The following ZW10 variants were observed in gnomAD, a reference collection of about 807,000 sequenced individuals.
ZW10 encodes the protein zw10 kinetochore protein, also known as centromere/kinetochore protein zw10 homolog.
In ZW10, 53 loss-of-function variants were observed where a neutral mutation model predicts 87.8. That is an observed-to-expected ratio of 0.60 (90% CI 0.48 to 0.76). The LOEUF (loss-of-function observed/expected upper bound fraction) is 0.76. Among genes scored for constraint, ZW10 ranks in the 30% least tolerant of loss-of-function variants. ZW10 has a pLI of 0.00. For synonymous variants in ZW10, 312 were observed against 329.2 expected, an observed-to-expected ratio of 0.95 and a Z score of 0.57; for missense variants, 837 against 923.0, an observed-to-expected ratio of 0.91 and a Z score of 1.21.
intron 5 of ZW10, 91 bp downstream of exon 5, chr11:113,760,118 T>G: frequency 7.0e-7 from 1 of 1,427,054 alleles, no homozygotes; most frequent in Non-Finnish European, 9.5e-7. Flanking sequence ...GAATGAACCC[T>G]CATCTACTAA....
intron 2 of ZW10, among the ~76,000 whole-genome samples, chr11:113,762,551 C>T (rs1953873056): frequency 6.6e-6 from 1 of 151,152 alleles, no homozygotes; most frequent in African/African-American, 2.4e-5. Flanking sequence ...AGGAGTCTCA[C>T]TCTGTCACCC....
chr11:113,755,912 G>T (rs1194639472), intron 7 of ZW10, among the ~76,000 whole-genome samples: 1 of 152,086 alleles, frequency 6.6e-6, no homozygotes, highest in Non-Finnish European at 1.5e-5. Context: ...TTAAATTAAG[G>T]TATGTACACT....
rs78342244 is a variant in ZW10 at position 113,752,534 on chromosome 11, C to T, written c.926-4114G>A. 2.6e-3 allele frequency among the ~76,000 whole-genome samples: 393 copies of T among 152,326 alleles called. 2 individuals carry two copies. The highest frequency in any genetic ancestry group is 8.1e-3 in the African/African-American group (338 of 41,572). On this transcript the variant is annotated intron_variant, in intron 7 of 15. Coordinates refer to ENST00000200135, the MANE Select transcript of ZW10 (RefSeq NM_004724.4). ...GCACCATTTTGTCCAAGAGCATGTG[C>T]TCACTTCATATATCTGTGTCACATT...
intron 15 of ZW10, among the ~76,000 whole-genome samples, chr11:113,734,627 A>T (rs1479850047): frequency 6.6e-6 from 1 of 152,106 alleles, no homozygotes; most frequent in Non-Finnish European, 1.5e-5. Flanking sequence ...CAACATGGCA[A>T]AACCCCATCT....
At chr11:113,759,973 T>C (rs1051044348) in intron 5 of ZW10, among the ~76,000 whole-genome samples, 4 of 152,142 alleles carry the variant, frequency 2.6e-5, no homozygotes, top group Admixed American at 6.5e-5. Flanking sequence ...GCATCTTTTC[T>C]CACATTTCTA....
chr11:113,745,975 G>T (rs1397695090), intron 9 of ZW10, among the ~76,000 whole-genome samples: 2 of 150,704 alleles, frequency 1.3e-5, no homozygotes, highest in African/African-American at 4.9e-5. Context: ...CTCAATCAGG[G>T]AAAACTCTGT....
chr11:113,760,168 A>G, intron 5 of ZW10, 41 bp downstream of exon 5: 1 of 1,598,488 alleles, frequency 6.3e-7, no homozygotes, highest in Admixed American at 1.8e-5. Context: ...ACACTGGTTC[A>G]GGCAGATGAA....
intron 14 of ZW10, 119 bp from the exon 15 acceptor site, chr11:113,736,941 C>A: frequency 2.4e-6 from 2 of 850,380 alleles, no homozygotes; most frequent in Non-Finnish European, 3.8e-6. Context: ...TGTTTTCCAA[C>A]CAATTTGGAA....
chr11:113,766,398 C>T lies in ZW10; in HGVS notation c.240+2435G>A, dbSNP rs537706128. Among the ~76,000 whole-genome samples the T allele has an allele frequency of 1.7e-4, 26 of 152,014 alleles. No homozygotes were observed. In the South Asian group the frequency reaches 4.8e-3, roughly 28 times the overall value. Reference sequence around the variant, plus strand: ...AAAATAAGAATTTTTAGGCTGGGCGCGGTGGCTCACGCCTGTAATCCCAGC... The same window carrying T: ...AAAATAAGAATTTTTAGGCTGGGCGTGGTGGCTCACGCCTGTAATCCCAGC... On this transcript the variant is annotated intron_variant, in intron 2 of 15. Transcript: ENST00000200135.
chr11:113,747,397 C>T lies in ZW10; in HGVS notation c.1272+134G>A, dbSNP rs2134876138. ...AGGACCACTTTAAAGGAGACAAAAC[C>T]AATGTAAAAAAGATTGATAACTTGA... On this transcript the variant is annotated intron_variant, in intron 9 of 15. Coordinates refer to ENST00000200135, the MANE Select transcript of ZW10 (RefSeq NM_004724.4). 3 of 748,138 alleles carry T rather than the reference C, an allele frequency of 4.0e-6. No individual in the cohort carries two copies. The South Asian group carries it at 6.8e-5, about 17-fold the overall frequency. The allele number at this position is 748,138 out of a possible 1,614,324, so 46.3% of individuals were successfully genotyped here. A position where few individuals can be genotyped will look rare whatever the true frequency, so the allele number is the denominator to read the frequency against.
intron 14 of ZW10, among the ~76,000 whole-genome samples, 153 bp from the exon 15 acceptor site, chr11:113,736,975 T>C (rs570218165): frequency 6.6e-6 from 1 of 152,328 alleles, no homozygotes; most frequent in East Asian, 1.9e-4. Context: ...ACTACATCAG[T>C]TCTCTGACAA....
intron 11 of ZW10, among the ~76,000 whole-genome samples, chr11:113,741,443 A>G (rs1953617670): frequency 6.6e-6 from 1 of 152,258 alleles, no homozygotes; most frequent in African/African-American, 2.4e-5. Flanking sequence ...CTTAGCAGCA[A>G]AACAAGGTAG....
intron 9 of ZW10, among the ~76,000 whole-genome samples, chr11:113,744,790 A>G (rs988794580): frequency 6.6e-5 from 10 of 152,238 alleles, no homozygotes; most frequent in African/African-American, 2.2e-4. Context: ...ACCTGGGCTC[A>G]AGTCATTCTC....
chr11:113,752,870 A>C lies in ZW10; in HGVS notation c.926-4450T>G, dbSNP rs193022004. 2.5e-4 allele frequency among the ~76,000 whole-genome samples: 38 copies of C among 152,348 alleles called. No individual in the cohort carries two copies. The East Asian group carries it at 6.9e-3, about 28-fold the overall frequency. On this transcript the variant is annotated intron_variant, in intron 7 of 15. Transcript: ENST00000200135. ...CTCACTTTATATCAAAAGCTAGAAA[A>C]GATAAAACTCAGTGATGAAGGAATG...
chr11:113,742,907 C>A (rs1283511573), intron 10 of ZW10, among the ~76,000 whole-genome samples: 2 of 152,158 alleles, frequency 1.3e-5, no homozygotes, highest in African/African-American at 4.8e-5. Context: ...CTTGGAAAGT[C>A]CATCTAAAGA....
intron 1 of ZW10, 114 bp from the exon 2 acceptor site, chr11:113,769,081 G>T: frequency 9.6e-7 from 1 of 1,045,858 alleles, no homozygotes; most frequent in Non-Finnish European, 1.4e-6. Flanking sequence ...CTTGCCAATT[G>T]CCTATACCCA....
At chr11:113,752,263 TGTG>T (rs1190509455) in intron 7 of ZW10, among the ~76,000 whole-genome samples, 2 of 139,574 alleles carry the variant, frequency 1.4e-5, no homozygotes, top group Non-Finnish European at 3.0e-5. Context: ...ATGAACAAGA[TGTG>T]TGTGTGTGTG....
intron 2 of ZW10, 39 bp from the exon 3 acceptor site, chr11:113,760,957 C>T (rs1953854667): frequency 6.6e-7 from 1 of 1,523,820 alleles, no homozygotes; most frequent in South Asian, 1.2e-5. Context: ...TTAAGCTATA[C>T]CATACCTAAG....
At position 113,737,663 on chromosome 11, in the gene ZW10, T is replaced by A. The variant is rs150401236; in HGVS notation, c.1925A>T (p.Asp642Val). ...QLKRLGIVWQ[D>V]VLPVNIYCKA... Reference sequence around the variant, plus strand: ...GCAATATATATTCACTGGCAGGACATCCTGCCACACAATTCCAAGTCTCTT... The same window carrying A: ...GCAATATATATTCACTGGCAGGACAACCTGCCACACAATTCCAAGTCTCTT... Residue 642 changes from aspartate (D) to valine (V), a missense_variant, in exon 14 of 16, where the codon GAT becomes GTT. Transcript: ENST00000200135. 146 of 1,613,556 alleles carry A rather than the reference T, an allele frequency of 9.0e-5. 1 individual carries two copies. The African/African-American group carries it at 1.8e-3, about 20-fold the overall frequency.
Sources: gnomAD v4.1 joint callset for allele counts (sites outside exome capture counted in the v4.1 genomes callset) on GRCh38, gnomAD v4.1.1 for gene constraint, MANE v1.5 for transcripts, NCBI Gene and HGNC (gene_info 2026-07-23, HGNC 2026-07-21) for gene names.